The following PPP2R2B variants were observed in gnomAD, a reference collection of about 807,000 sequenced individuals.
PPP2R2B encodes the protein protein phosphatase 2 regulatory subunit Bbeta.
Under a neutral mutation model 46.0 loss-of-function variants are expected in PPP2R2B, and 5 were observed. That is an observed-to-expected ratio of 0.11 (90% CI 0.06 to 0.23). The LOEUF (loss-of-function observed/expected upper bound fraction) is 0.23. Among genes scored for constraint, PPP2R2B ranks in the 10% least tolerant of loss-of-function variants. The pLI is 1.00. For synonymous variants in PPP2R2B, 215 were observed against 206.7 expected, an observed-to-expected ratio of 1.04 and a Z score of -0.34; for missense variants, 367 against 575.0, an observed-to-expected ratio of 0.64 and a Z score of 3.70.
At chr5:146,813,659 C>T (rs1012782536) in intron 2 of PPP2R2B, among the ~76,000 whole-genome samples, 2 of 152,192 alleles carry the variant, frequency 1.3e-5, no homozygotes, top group African/African-American at 4.8e-5. Flanking sequence ...AATTCAAAGT[C>T]GAAACCTTCT....
chr5:146,934,139 T>C lies in PPP2R2B; in HGVS notation c.79+121526A>G, dbSNP rs573908337. On this transcript the variant is annotated intron_variant, in intron 1 of 8. Coordinates refer to the PPP2R2B transcript ENST00000336640. ...CTATTGTGAATAATGCTGCAATAAA[T>C]ATATGTGTGCATGTGTCTTTATAGC... Among the ~76,000 whole-genome samples, 960 of 152,174 alleles carry C rather than the reference T, an allele frequency of 6.3e-3. 11 individuals are homozygous for C. The highest frequency in any genetic ancestry group is 0.022 in the African/African-American group (910 of 41,510).
chr5:146,789,373 G>A lies in PPP2R2B; in HGVS notation c.71-88231C>T, dbSNP rs1401718636. Reference sequence around the variant, plus strand: ...CTATCATCAATGATTTTAGAATCGAGTAACATGGTCAGTATTAATAATATA... The same window carrying A: ...CTATCATCAATGATTTTAGAATCGAATAACATGGTCAGTATTAATAATATA... On this transcript the variant is annotated intron_variant, in intron 2 of 9. Coordinates refer to ENST00000394411, the MANE Select transcript of PPP2R2B (RefSeq NM_181675.4). 2.0e-5 allele frequency among the ~76,000 whole-genome samples: 3 copies of A among 152,228 alleles called. No individual in the cohort carries two copies. The East Asian group carries it at 5.8e-4, about 29-fold the overall frequency.
rs1189734377 is a variant in PPP2R2B, at chr5:146,588,384, C to G, written c.*1563G>C. The G allele has an allele frequency of 1.3e-5, 2 of 152,082 alleles. No individual in the cohort carries two copies. The highest frequency in any genetic ancestry group is 2.9e-5 in the Non-Finnish European group (2 of 68,012). The allele number at this position is 152,082 out of a possible 1,614,324, so 9.4% of individuals were successfully genotyped here. Reference sequence around the variant, plus strand: ...GATTCTTTCACTATTTTTTCCTCCTCCAAAGCAAATTACACTTGAAAGTCA... The same window carrying G: ...GATTCTTTCACTATTTTTTCCTCCTGCAAAGCAAATTACACTTGAAAGTCA... On this transcript the variant is annotated 3_prime_UTR_variant, in exon 10 of 10. Coordinates refer to ENST00000394411, the MANE Select transcript of PPP2R2B (RefSeq NM_181675.4).
At chr5:146,663,078 C>A (rs1209770531) in intron 5 of PPP2R2B, among the ~76,000 whole-genome samples, 1 of 152,100 alleles carries the variant, frequency 6.6e-6, no homozygotes, top group African/African-American at 2.4e-5. Flanking sequence ...AGTCTTAAAA[C>A]TATTAATTCA....
At chr5:146,748,305 G>A (rs539809707) in intron 2 of PPP2R2B, among the ~76,000 whole-genome samples, 1 of 152,016 alleles carries the variant, frequency 6.6e-6, no homozygotes, top group African/African-American at 2.4e-5. Flanking sequence ...ACATGCAATT[G>A]TAAGAAATAA....
intron 1 of PPP2R2B, among the ~76,000 whole-genome samples, chr5:146,900,702 C>T (rs72825229): frequency 8.6e-5 from 13 of 151,858 alleles, no homozygotes; most frequent in Non-Finnish European, 1.3e-4. Flanking sequence ...ATGTGTGTCA[C>T]GGTGATTTGC....
chr5:147,072,181 A>T (rs1366954743), intron 2 of PPP2R2B, among the ~76,000 whole-genome samples: 1 of 152,088 alleles, frequency 6.6e-6, no homozygotes, highest in South Asian at 2.1e-4. Context: ...TAGGTCTACT[A>T]TCTATAATAT....
At chr5:146,842,764 A>G (rs1295479650) in intron 2 of PPP2R2B, among the ~76,000 whole-genome samples, 4 of 152,162 alleles carry the variant, frequency 2.6e-5, no homozygotes, top group Non-Finnish European at 5.9e-5. Context: ...TTCCTGCATC[A>G]GTTTGCTAGG....
intron 3 of PPP2R2B, among the ~76,000 whole-genome samples, chr5:146,698,857 C>T (rs1393681898): frequency 1.3e-5 from 2 of 151,362 alleles, no homozygotes; most frequent in South Asian, 2.1e-4. Flanking sequence ...TTTCCTCTAG[C>T]GCTGATTATG....
At chr5:147,080,168 T>C (rs1382461391) in intron 2 of PPP2R2B, among the ~76,000 whole-genome samples, 1 of 152,188 alleles carries the variant, frequency 6.6e-6, no homozygotes, top group East Asian at 1.9e-4. Flanking sequence ...TTACTCAGAA[T>C]TGAAGTGCTG....
intron 2 of PPP2R2B, among the ~76,000 whole-genome samples, chr5:146,842,896 A>G (rs1198654391): frequency 2.6e-5 from 4 of 152,202 alleles, no homozygotes. Flanking sequence ...CTGTTCTAAT[A>G]CTTTAAAATT....
chr5:146,664,463 T>C, intron 5 of PPP2R2B, among the ~76,000 whole-genome samples: 1 of 152,066 alleles, frequency 6.6e-6, no homozygotes, highest in East Asian at 1.9e-4. Context: ...GTTAAAATTT[T>C]ACCATGAGGC....
intron 2 of PPP2R2B, among the ~76,000 whole-genome samples, chr5:146,788,767 C>T (rs1391962360): frequency 6.6e-6 from 1 of 152,008 alleles, no homozygotes; most frequent in Non-Finnish European, 1.5e-5. Flanking sequence ...GTGAAGGGTA[C>T]TCTTTAAATA....
chr5:146,710,352 C>T (rs1780150015), intron 2 of PPP2R2B, among the ~76,000 whole-genome samples: 1 of 152,184 alleles, frequency 6.6e-6, no homozygotes, highest in Admixed American at 6.5e-5. Flanking sequence ...AAAATGCACA[C>T]AGCTTCCCCA....
chr5:146,600,585 T>A, intron 7 of PPP2R2B, 125 bp from the exon 8 acceptor site: 1 of 892,744 alleles, frequency 1.1e-6, no homozygotes, highest in Non-Finnish European at 1.7e-6. Flanking sequence ...GTCTGCAGAA[T>A]GTAAGTTGCT....
At chr5:146,620,544 T>C (rs1223187789) in intron 7 of PPP2R2B, among the ~76,000 whole-genome samples, 3 of 152,224 alleles carry the variant, frequency 2.0e-5, no homozygotes, top group Admixed American at 6.5e-5. Flanking sequence ...TGAGCGCTCA[T>C]ATTTGGTCTT....
chr5:146,608,930 A>G (rs1458988661), intron 7 of PPP2R2B, among the ~76,000 whole-genome samples: 2 of 152,248 alleles, frequency 1.3e-5, no homozygotes, highest in East Asian at 1.9e-4. Context: ...AACTCCTTCT[A>G]TGAGGCCAGT....
intron 1 of PPP2R2B, among the ~76,000 whole-genome samples, chr5:147,053,070 A>C (rs1756906509): frequency 6.6e-6 from 1 of 151,954 alleles, no homozygotes; most frequent in Admixed American, 6.6e-5. Flanking sequence ...TTTTGAATGT[A>C]TTTTTTTGCA....
chr5:146,698,335 T>C (rs1413263769), intron 3 of PPP2R2B, among the ~76,000 whole-genome samples, 191 bp from the exon 4 acceptor site: 1 of 127,830 alleles, frequency 7.8e-6, no homozygotes, highest in African/African-American at 3.1e-5. Flanking sequence ...TATATATATA[T>C]ATATATATAT....
Sources: allele counts gnomAD v4.1 joint callset (sites outside exome capture counted in the v4.1 genomes callset), GRCh38; gene constraint gnomAD v4.1.1; transcripts MANE v1.5; gene names NCBI Gene and HGNC (gene_info 2026-07-23, HGNC 2026-07-21).